Variants in KIAA0319 observed in about 807,000 individuals in gnomAD.
KIAA0319 encodes the protein dyslexia-associated protein KIAA0319.
Under a neutral mutation model 108.4 loss-of-function variants are expected in KIAA0319, and 83 were observed. The observed-to-expected ratio is 0.77, with a 90% CI of 0.64 to 0.92. KIAA0319 has a LOEUF of 0.92. Among genes scored for constraint, KIAA0319 ranks in the 40% least tolerant of loss-of-function variants. KIAA0319 has a pLI of 0.00. For missense variants in KIAA0319, 1,195 were observed against 1,322.4 expected (o/e 0.90, Z 1.49); for synonymous variants, 484 against 510.4 (o/e 0.95, Z 0.70).
At chr6:24,611,291 G>T (rs187475210) in intron 1 of KIAA0319, among the ~76,000 whole-genome samples, 6 of 152,006 alleles carry the variant, frequency 3.9e-5, no homozygotes, top group African/African-American at 1.4e-4. Flanking sequence ...CTGAGGTCAG[G>T]AGTTCAAGAC....
intron 1 of KIAA0319, among the ~76,000 whole-genome samples, chr6:24,641,914 C>A (rs1256905927): frequency 6.6e-6 from 1 of 151,346 alleles, no homozygotes; most frequent in Non-Finnish European, 1.5e-5. Flanking sequence ...CGCCTGTAGT[C>A]TCAGTTACTC....
chr6:24,557,281 C>T (rs1762437937), intron 17 of KIAA0319, among the ~76,000 whole-genome samples: 1 of 152,122 alleles, frequency 6.6e-6, no homozygotes, highest in Non-Finnish European at 1.5e-5. Context: ...GTGAGTGGAT[C>T]ACTTGAGGCC....
chr6:24,563,309 AG>A, intron 16 of KIAA0319, 49 bp downstream of exon 16: 1 of 1,570,406 alleles, frequency 6.4e-7, no homozygotes, highest in Non-Finnish European at 8.7e-7. Flanking sequence ...ATGAGGTAAG[AG>A]CTGGAATTTT....
chr6:24,638,025 C>T (rs1049834794), intron 1 of KIAA0319, among the ~76,000 whole-genome samples: 1 of 152,134 alleles, frequency 6.6e-6, no homozygotes, highest in African/African-American at 2.4e-5. Flanking sequence ...AAAGCAACTC[C>T]CACTGAAGAC....
At chr6:24,551,300 C>T in intron 20 of KIAA0319, 134 bp downstream of exon 20, 1 of 674,624 alleles carries the variant, frequency 1.5e-6, no homozygotes, top group Non-Finnish European at 2.6e-6. Context: ...TCACAGAATC[C>T]CAGCCTCACT....
At chr6:24,612,253 G>C (rs1772441421) in intron 1 of KIAA0319, among the ~76,000 whole-genome samples, 1 of 151,958 alleles carries the variant, frequency 6.6e-6, no homozygotes, top group Non-Finnish European at 1.5e-5. Flanking sequence ...GGAGTTCGAG[G>C]CAGGCCTGGA....
intron 3 of KIAA0319, among the ~76,000 whole-genome samples, chr6:24,592,576 A>T (rs1250234344): frequency 6.6e-6 from 1 of 152,142 alleles, no homozygotes; most frequent in East Asian, 1.9e-4. Context: ...TGAGCAAATG[A>T]CTTCTTATTA....
chr6:24,564,108 A>G lies in KIAA0319; in HGVS notation c.2431+94T>C. 3 of 1,491,188 alleles carry G rather than the reference A, an allele frequency of 2.0e-6. No homozygotes were observed. In the South Asian group the frequency reaches 3.7e-5, roughly 19 times the overall value. The allele number at this position is 1,491,188 out of a possible 1,614,324, so 92.4% of individuals were successfully genotyped here. On this transcript the variant is annotated intron_variant, in intron 15 of 20. Transcript: ENST00000378214. Reference sequence around the variant, plus strand: ...GCCAAGAGCTGGAGCCAGCCACAGGAGGCCTCCCACACTGGTCACATCTGT... The same window carrying G: ...GCCAAGAGCTGGAGCCAGCCACAGGGGGCCTCCCACACTGGTCACATCTGT...
chr6:24,543,403 T>C (rs944123020), downstream of KIAA0319, among the ~76,000 whole-genome samples: 1 of 152,228 alleles, frequency 6.6e-6, no homozygotes, highest in South Asian at 2.1e-4. Context: ...TATGTGCAGT[T>C]TACTGTAAGT....
intron 19 of KIAA0319, among the ~76,000 whole-genome samples, chr6:24,553,334 C>T (rs1222210332): frequency 4.6e-4 from 36 of 78,838 alleles, no homozygotes; most frequent in African/African-American, 1.1e-3. Flanking sequence ...CACACACACA[C>T]ACGCACATAT....
chr6:24,556,655 T>A lies in KIAA0319; in HGVS notation c.2809A>T (p.Met937Leu). The A allele has an allele frequency of 6.2e-7, 1 of 1,613,952 alleles. No homozygotes were observed. The highest frequency in any genetic ancestry group is 8.5e-7 in the Non-Finnish European group (1 of 1,179,950). ...ATATAACGCTGTATAAGGTTCTCCA[T>A]CCATAAGTGAGAGCAAATGCAGCGC... The part of the protein sequence containing the change: ...TKRCICSHLW[M>L]ENLIQRYIWD... Residue 937 changes from methionine to leucine, a missense_variant, in exon 18 of 21, where the codon ATG becomes TTG. By Grantham distance (15) the Met-to-Leu change is conservative. Transcript: ENST00000378214.
At chr6:24,572,086 G>A (rs1015476236) in intron 11 of KIAA0319, among the ~76,000 whole-genome samples, 1 of 152,198 alleles carries the variant, frequency 6.6e-6, no homozygotes, top group Non-Finnish European at 1.5e-5. Context: ...GAGGTTCTTG[G>A]ACTAACAGAA....
intron 1 of KIAA0319, among the ~76,000 whole-genome samples, chr6:24,636,585 TAGA>T (rs1478706277): frequency 6.6e-6 from 1 of 152,042 alleles, no homozygotes; most frequent in Non-Finnish European, 1.5e-5. Context: ...GAAGCTTGAG[TAGA>T]AGAATAGTAA....
At chr6:24,595,827 C>T (rs766300344) in intron 3 of KIAA0319, 46 bp downstream of exon 3, 72 of 1,545,570 alleles carry the variant, frequency 4.7e-5, no homozygotes, top group Middle Eastern at 3.6e-4. Flanking sequence ...TACGGTCTGC[C>T]CCACTCAGCC....
rs1445553071 is a variant in KIAA0319 at position 24,556,517 on chromosome 6, G to T, written c.2857+90C>A. 10 of 1,413,164 alleles carry T rather than the reference G, an allele frequency of 7.1e-6. No individual in the cohort carries two copies. In the East Asian group the frequency reaches 2.3e-4, roughly 33 times the overall value. The allele number at this position is 1,413,164 out of a possible 1,614,324, so 87.5% of individuals were successfully genotyped here. A position where few individuals can be genotyped will look rare whatever the true frequency, so the allele number is the denominator to read the frequency against. On this transcript the variant is annotated intron_variant, in intron 18 of 20. Transcript: ENST00000378214. Reference sequence around the variant, plus strand: ...GAAGTCTCACTATGTTGCCCAGGTTGGCCTCGAATATTAGGCAGATATTTC... The same window carrying T: ...GAAGTCTCACTATGTTGCCCAGGTTTGCCTCGAATATTAGGCAGATATTTC...
At position 24,620,357 on chromosome 6, in the gene KIAA0319, G is replaced by A. The variant is rs548173503; in HGVS notation, c.-105-19149C>T. Among the ~76,000 whole-genome samples, 5 of 152,312 alleles carry A rather than the reference G, an allele frequency of 3.3e-5. No individual in the cohort carries two copies. The East Asian group carries it at 9.7e-4, about 29-fold the overall frequency. ...ACTCTGTCGCCCAGGCTGAAGTGCA[G>A]TGGCATGATCTCAGCTCACTGCAAC... On this transcript the variant is annotated intron_variant, in intron 1 of 20. Transcript: ENST00000378214.
Position 24,546,998 on chromosome 6 carries a change from T to C in KIAA0319, c.*167A>G. On this transcript the variant is annotated 3_prime_UTR_variant, in exon 21 of 21. Coordinates refer to ENST00000378214, the MANE Select transcript of KIAA0319 (RefSeq NM_014809.4). Reference sequence around the variant, plus strand: ...CATCTCAGTTAAAAGAGCAAAGTTTTTGTTTTGTGCCTTCAAAAACCGGTC... The same window carrying C: ...CATCTCAGTTAAAAGAGCAAAGTTTCTGTTTTGTGCCTTCAAAAACCGGTC... 1.6e-6 allele frequency: 1 copy of C among 642,904 alleles called. No individual in the cohort carries two copies. The highest frequency in any genetic ancestry group is 2.8e-5 in the Admixed American group (1 of 36,260). 39.8% of individuals were successfully genotyped at this position (642,904 alleles called of 1,614,324 possible). A position where few individuals can be genotyped will look rare whatever the true frequency, so the allele number is the denominator to read the frequency against.
At chr6:24,602,673 C>A (rs560377967) in intron 1 of KIAA0319, among the ~76,000 whole-genome samples, 1 of 152,018 alleles carries the variant, frequency 6.6e-6, no homozygotes, top group Admixed American at 6.6e-5. Flanking sequence ...TGGTGGCGGG[C>A]GCCTGTAGTC....
At chr6:24,551,568 G>A (rs1225028896) in intron 19 of KIAA0319, 43 bp from the exon 20 acceptor site, 4 of 1,310,218 alleles carry the variant, frequency 3.1e-6, no homozygotes, top group Non-Finnish European at 1.1e-6. Flanking sequence ...CTTTAGAAAG[G>A]TAACTGAGAG....
Sources: gnomAD v4.1 joint callset for allele counts (sites outside exome capture counted in the v4.1 genomes callset) on GRCh38, gnomAD v4.1.1 for gene constraint, MANE v1.5 for transcripts, NCBI Gene and HGNC (gene_info 2026-07-23, HGNC 2026-07-21) for gene names.